GCLM: variants seen among roughly 807,000 people sequenced by gnomAD.
The protein encoded by GCLM is glutamate-cysteine ligase modifier subunit, also known as glutamate--cysteine ligase regulatory subunit.
In GCLM, 15 loss-of-function variants were observed where a neutral mutation model predicts 36.0. The observed-to-expected ratio is 0.42, with a 90% CI of 0.28 to 0.64. The LOEUF is 0.64. GCLM is among the 30% of genes least tolerant of loss of function. GCLM has a pLI of 0.25. For missense variants in GCLM, 242 were observed against 325.5 expected, an observed-to-expected ratio of 0.74 and a Z score of 1.97; for synonymous variants, 129 against 122.8, an observed-to-expected ratio of 1.05 and a Z score of -0.34.
At chr1:93,907,056 T>C (rs1347507407) in intron 1 of GCLM, among the ~76,000 whole-genome samples, 4 of 152,236 alleles carry the variant, frequency 2.6e-5, no homozygotes, top group African/African-American at 9.6e-5. Context: ...GTACATTTTC[T>C]CAAAAATAAG....
At chr1:93,895,967 T>C (rs981337119) in intron 5 of GCLM, among the ~76,000 whole-genome samples, 4 of 148,714 alleles carry the variant, frequency 2.7e-5, no homozygotes, top group South Asian at 2.1e-4. Context: ...TTCTTTCTTT[T>C]TTTTTTTTTT....
At chr1:93,905,804 T>A (rs1265050621) in intron 1 of GCLM, among the ~76,000 whole-genome samples, 4 of 152,332 alleles carry the variant, frequency 2.6e-5, no homozygotes, top group African/African-American at 9.6e-5. Flanking sequence ...GGCACTCTAA[T>A]GGCTTCCAAT....
chr1:93,909,174 G>GC lies in GCLM; in HGVS notation c.-12dup. ...GCTGTCGGTGCCCATGGCAGCGGCC[G>GC]CCCAGGGGCCGCGCAGCGAAGGGGC... On this transcript the variant is annotated 5_prime_UTR_variant, in exon 1 of 7. Coordinates refer to ENST00000370238, the MANE Select transcript of GCLM (RefSeq NM_002061.4). The GC allele has an allele frequency of 1.6e-6, 2 of 1,263,934 alleles. No homozygotes were observed. The highest frequency in any genetic ancestry group is 2.0e-6 in the Non-Finnish European group (2 of 1,006,184). 78.3% of individuals were successfully genotyped at this position (1,263,934 alleles called of 1,614,324 possible). A position where few individuals can be genotyped will look rare whatever the true frequency, so the allele number is the denominator to read the frequency against.
intron 2 of GCLM, among the ~76,000 whole-genome samples, chr1:93,903,007 C>A (rs1657017698): frequency 6.6e-6 from 1 of 152,086 alleles, no homozygotes; most frequent in Non-Finnish European, 1.5e-5. Flanking sequence ...TCCTCTATGT[C>A]TTTTCATGGC....
In GCLM at chr1:93,889,095, G is replaced by A. The variant is rs762065495; in HGVS notation, c.720C>T (p.His240=). 7.5e-6 allele frequency: 12 copies of A among 1,602,008 alleles called. No individual in the cohort carries two copies. The highest frequency in any genetic ancestry group is 1.3e-5 in the African/African-American group (1 of 74,252). ...GCAGTAGCCACAGCGGCACCCACTC[G>A]TGCGCTTGAATGTCAGGAATGCTTT... The part of the protein sequence containing the change: ...LQESIPDIQA[H]EWVPLWLLRY... The change falls in exon 7 of 7, where the codon CAC becomes CAT. Residue 240 remains histidine (H), a synonymous_variant. Transcript: ENST00000370238.
At position 93,909,340 on chromosome 1, in the gene GCLM, G is replaced by T; in HGVS notation, c.-177C>A. On this transcript the variant is annotated 5_prime_UTR_variant, in exon 1 of 7. Transcript: ENST00000370238. The stretch of plus-strand genomic sequence containing the variant: ...GCTCGGGCCCGAGGGAGGCCGGACG[G>T]CGGCTGGGCGGCGGCGGGAAAGGAA... The T allele has an allele frequency of 9.7e-7, 1 of 1,026,286 alleles. No individual in the cohort carries two copies. The highest frequency in any genetic ancestry group is 1.2e-6 in the Non-Finnish European group (1 of 857,336). The allele number at this position is 1,026,286 out of a possible 1,614,324, so 63.6% of individuals were successfully genotyped here.
At position 93,909,362 on chromosome 1, in the gene GCLM, G is replaced by A. The variant is rs1418678303; in HGVS notation, c.-199C>T. On this transcript the variant is annotated 5_prime_UTR_variant, in exon 1 of 7. Coordinates refer to ENST00000370238, the MANE Select transcript of GCLM (RefSeq NM_002061.4). The stretch of plus-strand genomic sequence containing the variant: ...ACGGCGGCTGGGCGGCGGCGGGAAA[G>A]GAAGGCACCGGTGGCTGCGGCTCCG... The A allele has an allele frequency of 2.0e-6, 2 of 983,918 alleles. No homozygotes were observed. The highest frequency in any genetic ancestry group is 4.7e-5 in the South Asian group (1 of 21,054). The allele number at this position is 983,918 out of a possible 1,614,324, so 60.9% of individuals were successfully genotyped here. A position where few individuals can be genotyped will look rare whatever the true frequency, so the allele number is the denominator to read the frequency against.
intron 3 of GCLM, 66 bp from the exon 4 acceptor site, chr1:93,897,964 T>C (rs1050721283): frequency 4.2e-6 from 3 of 713,610 alleles, no homozygotes; most frequent in Non-Finnish European, 6.9e-6. Context: ...ATGCTAGTAT[T>C]AACACTACTA....
chr1:93,891,239 C>T (rs927394602), intron 6 of GCLM, among the ~76,000 whole-genome samples: 5 of 152,072 alleles, frequency 3.3e-5, no homozygotes, highest in African/African-American at 9.7e-5. Context: ...CCATATCCCA[C>T]CACTCCTCTC....
chr1:93,909,071 C>G lies in GCLM; in HGVS notation c.93G>C (p.Leu31=). The G allele has an allele frequency of 6.8e-7, 1 of 1,474,814 alleles. No individual in the cohort carries two copies. The allele number at this position is 1,474,814 out of a possible 1,614,324, so 91.4% of individuals were successfully genotyped here. ...QTGNLLNWGR[L]RKKCPSTHSE... Reference sequence around the variant, plus strand: ...TGTGCGTGGACGGGCACTTCTTCCGCAGGCGGCCCCAGTTCAGCAGGTTCC... The same window carrying G: ...TGTGCGTGGACGGGCACTTCTTCCGGAGGCGGCCCCAGTTCAGCAGGTTCC... The change falls in exon 1 of 7, where the codon CTG becomes CTC. Residue 31 remains leucine, a synonymous_variant. Coordinates refer to ENST00000370238, the MANE Select transcript of GCLM (RefSeq NM_002061.4).
At chr1:93,890,598 C>A (rs1326971963) in intron 6 of GCLM, among the ~76,000 whole-genome samples, 1 of 151,878 alleles carries the variant, frequency 6.6e-6, no homozygotes, top group Non-Finnish European at 1.5e-5. Flanking sequence ...ATTGCAAGAC[C>A]ATTTAAATAA....
intron 6 of GCLM, among the ~76,000 whole-genome samples, chr1:93,893,787 C>T (rs1344169960): frequency 2.0e-5 from 3 of 152,108 alleles, no homozygotes; most frequent in Non-Finnish European, 4.4e-5. Context: ...AGTTATCTTA[C>T]AAAATGTTGT....
rs1275023276 is a variant in GCLM, at chr1:93,887,800, A to T, written c.*1190T>A. On this transcript the variant is annotated 3_prime_UTR_variant, in exon 7 of 7. Coordinates refer to ENST00000370238, the MANE Select transcript of GCLM (RefSeq NM_002061.4). ...AAGAGATTTTTAAAGAAGTTTTCAA[A>T]CTATTCAGGTTACAGACACAAATTT... 1.3e-5 allele frequency: 2 copies of T among 152,134 alleles called. No homozygotes were observed. Among genetic ancestry groups the T allele is most frequent in the African/African-American group, 4.8e-5 (2 of 41,416 alleles). The allele number at this position is 152,134 out of a possible 1,614,324, so 9.4% of individuals were successfully genotyped here. A position where few individuals can be genotyped will look rare whatever the true frequency, so the allele number is the denominator to read the frequency against.
At chr1:93,904,736 T>G (rs1657080991) in intron 1 of GCLM, 148 bp from the exon 2 acceptor site, 1 of 606,098 alleles carries the variant, frequency 1.6e-6, no homozygotes, top group African/African-American at 1.9e-5. Context: ...TCCTACAAGG[T>G]TTTTGTTTCC....
At chr1:93,890,154 C>G (rs1294977323) in intron 6 of GCLM, among the ~76,000 whole-genome samples, 1 of 152,108 alleles carries the variant, frequency 6.6e-6, no homozygotes, top group South Asian at 2.1e-4. Flanking sequence ...AGGTGATCCA[C>G]CCACCTTGGC....
In GCLM at chr1:93,889,000, C is replaced by T. The variant is rs763288464; in HGVS notation, c.815G>A (p.Arg272Lys). The change falls in exon 7 of 7, where the codon AGG becomes AAG. Residue 272 changes from arginine (R) to lysine (K), a missense_variant. Transcript: ENST00000370238. ...ATGCTCCTAAGTCAGTTAAGAACCC[C>T]TTCTTTTAGCTTGTAAAATGTAGCC... ...SKGYILQAKR[R>K]GS The T allele has an allele frequency of 3.8e-6, 6 of 1,587,100 alleles. No homozygotes were observed. The highest frequency in any genetic ancestry group is 3.5e-5 in the South Asian group (3 of 86,490).
At chr1:93,902,717 T>C (rs969709967) in intron 2 of GCLM, among the ~76,000 whole-genome samples, 1 of 152,168 alleles carries the variant, frequency 6.6e-6, no homozygotes, top group South Asian at 2.1e-4. Context: ...TGGTGCTGCA[T>C]AGTTTATGGA....
chr1:93,900,719 C>T (rs1475020389), intron 3 of GCLM, among the ~76,000 whole-genome samples: 1 of 151,934 alleles, frequency 6.6e-6, no homozygotes, highest in Non-Finnish European at 1.5e-5. Context: ...GAGACAATAC[C>T]CTATCTCATC....
At position 93,885,701 on chromosome 1, in the gene GCLM, A is replaced by G. The variant is rs1168195406; in HGVS notation, c.*3289T>C. ...AAGTCTTCATTAAAACAAGCTTCACATTTCTCTGAATGCATATTTTGCAGA... is the reference window on the plus strand; with the variant it reads ...AAGTCTTCATTAAAACAAGCTTCACGTTTCTCTGAATGCATATTTTGCAGA... On this transcript the variant is annotated 3_prime_UTR_variant, in exon 7 of 7. Coordinates refer to ENST00000370238, the MANE Select transcript of GCLM (RefSeq NM_002061.4). 6.6e-6 allele frequency: 1 copy of G among 152,216 alleles called. No homozygotes were observed. The highest frequency in any genetic ancestry group is 2.4e-5 in the African/African-American group (1 of 41,466). The allele number at this position is 152,216 out of a possible 1,614,324, so 9.4% of individuals were successfully genotyped here. A position where few individuals can be genotyped will look rare whatever the true frequency, so the allele number is the denominator to read the frequency against.
Sources: allele counts gnomAD v4.1 joint callset (sites outside exome capture counted in the v4.1 genomes callset), GRCh38; gene constraint gnomAD v4.1.1; transcripts MANE v1.5; gene names NCBI Gene and HGNC (gene_info 2026-07-23, HGNC 2026-07-21).